CLEC2D: variants seen among roughly 807,000 people sequenced by gnomAD.
The protein encoded by CLEC2D is C-type lectin related f.
Under a neutral mutation model 20.0 loss-of-function variants are expected in CLEC2D, and 16 were observed. That is an observed-to-expected ratio of 0.80 (90% confidence interval 0.54 to 1.22). CLEC2D has a LOEUF of 1.22. CLEC2D is among the 50% of genes most tolerant of loss of function. The pLI is 0.00. For missense variants in CLEC2D, 207 were observed against 221.5 expected, an observed-to-expected ratio of 0.93 and a Z score of 0.42; for synonymous variants, 77 against 71.1, an observed-to-expected ratio of 1.08 and a Z score of -0.42.
chr12:9,671,284 C>T (rs759004023), intron 1 of CLEC2D, among the ~76,000 whole-genome samples: 2 of 152,256 alleles, frequency 1.3e-5, no homozygotes, highest in African/African-American at 4.8e-5. Flanking sequence ...AGTGCAGTGG[C>T]GCGATCTCGG....
chr12:9,680,262 TG>T, intron 1 of CLEC2D: 1 of 296,248 alleles, frequency 3.4e-6, no homozygotes, highest in Non-Finnish European at 7.1e-6. Context: ...GTAAGTTTCC[TG>T]AGGCCTCCCC....
chr12:9,695,048 A>G lies in CLEC2D; in HGVS notation c.*174A>G, dbSNP rs1423799081. On this transcript the variant is annotated 3_prime_UTR_variant, in exon 5 of 5. Transcript: ENST00000290855. ...TCATAGTAAAATATTACCTGTTTTCATGGTGCTAATATTACCTGTTCTCCC... is the reference window on the plus strand; with the variant it reads ...TCATAGTAAAATATTACCTGTTTTCGTGGTGCTAATATTACCTGTTCTCCC... The G allele has an allele frequency of 1.7e-6, 1 of 590,960 alleles. No homozygotes were observed. Among genetic ancestry groups the G allele is most frequent in the African/African-American group, 1.9e-5 (1 of 53,554 alleles). 36.6% of individuals were successfully genotyped at this position (590,960 alleles called of 1,614,324 possible).
chr12:9,680,179 C>A lies in CLEC2D; in HGVS notation c.62-744C>A, dbSNP rs990262079. On this transcript the variant is annotated intron_variant, in intron 1 of 4. Transcript: ENST00000290855. ...TGATGGTTTTATAAGGGGCTTTTACCCCTTTGTTAGGCACTTCTGTCTCCT... is the reference window on the plus strand; with the variant it reads ...TGATGGTTTTATAAGGGGCTTTTACACCTTTGTTAGGCACTTCTGTCTCCT... The A allele has an allele frequency of 2.5e-5, 7 of 274,806 alleles. No homozygotes were observed. In the East Asian group the frequency reaches 3.8e-4, roughly 15 times the overall value. 17.0% of individuals were successfully genotyped at this position (274,806 alleles called of 1,614,324 possible).
At chr12:9,688,189 G>GTT in intron 3 of CLEC2D, 103 bp downstream of exon 3, 19 of 825,498 alleles carry the variant, frequency 2.3e-5, no homozygotes, top group African/African-American at 6.4e-5. Flanking sequence ...CTTTTACATT[G>GTT]ATTTTTTTTT....
chr12:9,678,556 C>T (rs1243094167), intron 1 of CLEC2D, among the ~76,000 whole-genome samples: 1 of 152,010 alleles, frequency 6.6e-6, no homozygotes, highest in Non-Finnish European at 1.5e-5. Context: ...CTCTTCTTTT[C>T]AGAGACTGAG....
At chr12:9,669,874 G>GGT in intron 1 of CLEC2D, 79 bp downstream of exon 1, 1 of 1,143,358 alleles carries the variant, frequency 8.7e-7, no homozygotes, top group Non-Finnish European at 1.3e-6. Context: ...ACACAGGAAA[G>GGT]GTGCTGATCT....
At position 9,698,859 on chromosome 12, in the gene CLEC2D, CCT is replaced by C. The variant is rs1297928556; in HGVS notation, c.*3988_*3989del. 1.3e-5 allele frequency: 2 copies of C among 152,146 alleles called. No homozygotes were observed. The highest frequency in any genetic ancestry group is 6.6e-5 in the Admixed American group (1 of 15,264). The allele number at this position is 152,146 out of a possible 1,614,324, so 9.4% of individuals were successfully genotyped here. On this transcript the variant is annotated 3_prime_UTR_variant, in exon 5 of 5. Coordinates refer to ENST00000290855, the MANE Select transcript of CLEC2D (RefSeq NM_013269.6). ...TCCTCCTCAACCTCTGTTTCTTAATCCTCTGTTTTCCCAGAGCACAGGAGGAA... is the reference window on the plus strand; with the variant it reads ...TCCTCCTCAACCTCTGTTTCTTAATCCTGTTTTCCCAGAGCACAGGAGGAA...
chr12:9,695,382 C>G lies in CLEC2D; in HGVS notation c.*508C>G. On this transcript the variant is annotated 3_prime_UTR_variant, in exon 5 of 5. Transcript: ENST00000290855. The stretch of plus-strand genomic sequence containing the variant: ...TCCTACCTAAGTGTGTGTCGCCACC[C>G]GATGGAAGATTCGATGGACATGGAC... 6.8e-7 allele frequency: 1 copy of G among 1,460,324 alleles called. No individual in the cohort carries two copies. The highest frequency in any genetic ancestry group is 1.7e-5 in the Admixed American group (1 of 59,570). 90.5% of individuals were successfully genotyped at this position (1,460,324 alleles called of 1,614,324 possible). A position where few individuals can be genotyped will look rare whatever the true frequency, so the allele number is the denominator to read the frequency against.
intron 3 of CLEC2D, among the ~76,000 whole-genome samples, chr12:9,692,600 A>G (rs1865892022): frequency 6.6e-6 from 1 of 152,234 alleles, no homozygotes; most frequent in Non-Finnish European, 1.5e-5. Context: ...AAGGAGTACA[A>G]TACAGAAACA....
At chr12:9,691,050 AAG>A (rs1565470534) in intron 3 of CLEC2D, among the ~76,000 whole-genome samples, 1 of 152,106 alleles carries the variant, frequency 6.6e-6, no homozygotes, top group Non-Finnish European at 1.5e-5. Flanking sequence ...TAAGGACACA[AAG>A]AAGTTGAAAG....
intron 1 of CLEC2D, among the ~76,000 whole-genome samples, chr12:9,674,877 C>A (rs887297636): frequency 6.6e-6 from 1 of 152,188 alleles, no homozygotes; most frequent in African/African-American, 2.4e-5. Context: ...TTTAAAAAGT[C>A]ATCACCATAC....
At chr12:9,686,140 G>A (rs1047752849) in intron 2 of CLEC2D, among the ~76,000 whole-genome samples, 4 of 151,486 alleles carry the variant, frequency 2.6e-5, no homozygotes, top group Non-Finnish European at 1.5e-5. Context: ...GTGAAGCAGC[G>A]CCCCACCCTG....
chr12:9,696,394 C>T lies in CLEC2D; in HGVS notation c.*1520C>T. On this transcript the variant is annotated 3_prime_UTR_variant, in exon 5 of 5. Transcript: ENST00000290855. ...GCCAAGAATGTGTTGTCCAAAATGC[C>T]TGTTTAGTTTTTAAAGATGGAACTC... is the stretch of plus-strand genomic sequence containing the variant. The T allele has an allele frequency of 2.1e-6, 1 of 486,302 alleles. No homozygotes were observed. Among genetic ancestry groups the T allele is most frequent in the Middle Eastern group, 5.6e-4 (1 of 1,770 alleles). The allele number at this position is 486,302 out of a possible 1,614,324, so 30.1% of individuals were successfully genotyped here.
Position 9,696,390 on chromosome 12 carries a change from A to C in CLEC2D, c.*1516A>C. Reference sequence around the variant, plus strand: ...TATTGCCAAGAATGTGTTGTCCAAAATGCCTGTTTAGTTTTTAAAGATGGA... The same window carrying C: ...TATTGCCAAGAATGTGTTGTCCAAACTGCCTGTTTAGTTTTTAAAGATGGA... On this transcript the variant is annotated 3_prime_UTR_variant, in exon 5 of 5. Coordinates refer to ENST00000290855, the MANE Select transcript of CLEC2D (RefSeq NM_013269.6). 2.0e-6 allele frequency: 1 copy of C among 487,932 alleles called. No homozygotes were observed. Among genetic ancestry groups the C allele is most frequent in the Non-Finnish European group, 3.7e-6 (1 of 267,474 alleles). 30.2% of individuals were successfully genotyped at this position (487,932 alleles called of 1,614,324 possible).
chr12:9,683,322 G>GTTT (rs1226655704), intron 2 of CLEC2D, among the ~76,000 whole-genome samples: 5 of 80,878 alleles, frequency 6.2e-5, no homozygotes, highest in African/African-American at 1.9e-4. Context: ...ATGATAGTTT[G>GTTT]TTTTTTGTGT....
At chr12:9,680,856 C>T in intron 1 of CLEC2D, 67 bp from the exon 2 acceptor site, 3 of 768,184 alleles carry the variant, frequency 3.9e-6, no homozygotes, top group Non-Finnish European at 4.5e-6. Context: ...CATTTTGATG[C>T]TTAATGTTTC....
At chr12:9,690,593 A>G (rs1333813244) in intron 3 of CLEC2D, among the ~76,000 whole-genome samples, 1 of 152,076 alleles carries the variant, frequency 6.6e-6, no homozygotes, top group African/African-American at 2.4e-5. Flanking sequence ...TATAATGTAT[A>G]AAGATGCAAT....
At chr12:9,683,335 G>GTTTTTTT (rs1357039664) in intron 2 of CLEC2D, among the ~76,000 whole-genome samples, 21 of 11,260 alleles carry the variant, frequency 1.9e-3, no homozygotes, top group African/African-American at 3.1e-3. Context: ...TTTTGTGTTT[G>GTTTTTTT]TTTTTTTTTT....
intron 1 of CLEC2D, among the ~76,000 whole-genome samples, chr12:9,673,191 C>T (rs1865457169): frequency 6.6e-6 from 1 of 152,220 alleles, no homozygotes; most frequent in African/African-American, 2.4e-5. Flanking sequence ...TTTTCCTCAT[C>T]TTCGTGGATT....
Sources: gnomAD v4.1 joint callset for allele counts (sites outside exome capture counted in the v4.1 genomes callset) on GRCh38, gnomAD v4.1.1 for gene constraint, MANE v1.5 for transcripts, NCBI Gene and HGNC (gene_info 2026-07-23, HGNC 2026-07-21) for gene names.